Variants in TCERG1L observed in about 807,000 individuals in gnomAD.
The protein encoded by TCERG1L is transcription elongation regulator 1-like protein.
TCERG1L carries 37 observed loss-of-function variants against 56.3 expected under a neutral mutation model. That is an observed-to-expected ratio of 0.66 (90% CI 0.51 to 0.87). The LOEUF is 0.87. TCERG1L is among the 40% of genes least tolerant of loss of function. The pLI is 0.00. For missense variants in TCERG1L, 799 were observed against 774.2 expected (o/e 1.03, Z -0.38); for synonymous variants, 324 against 326.3 (o/e 0.99, Z 0.08).
intron 6 of TCERG1L, among the ~76,000 whole-genome samples, chr10:131,148,607 GAC>G (rs1311043082): frequency 2.0e-5 from 3 of 151,030 alleles, no homozygotes; most frequent in South Asian, 2.1e-4. Flanking sequence ...TGCACACGTA[GAC>G]ACACACAGAG....
chr10:131,136,582 A>G (rs972468037), intron 7 of TCERG1L, among the ~76,000 whole-genome samples: 2 of 151,816 alleles, frequency 1.3e-5, no homozygotes, highest in Admixed American at 1.3e-4. Flanking sequence ...TGCAACCTCC[A>G]CTTTCCGGGC....
chr10:131,195,881 G>A (rs1019878650), intron 4 of TCERG1L, among the ~76,000 whole-genome samples: 2 of 152,218 alleles, frequency 1.3e-5, no homozygotes, highest in Admixed American at 1.3e-4. Flanking sequence ...ACAAGGCGAG[G>A]CAAGCACAGC....
At chr10:131,285,491 A>G (rs1298586491) in intron 3 of TCERG1L, among the ~76,000 whole-genome samples, 1 of 20,144 alleles carries the variant, frequency 5.0e-5, no homozygotes, top group Non-Finnish European at 1.7e-4. Context: ...AAAGAAAGAA[A>G]GAAAGAAAGA....
At chr10:131,128,881 G>C (rs1845589982) in intron 8 of TCERG1L, among the ~76,000 whole-genome samples, 1 of 152,118 alleles carries the variant, frequency 6.6e-6, no homozygotes, top group Non-Finnish European at 1.5e-5. Context: ...AGTCCTGCCA[G>C]AGCACTAATC....
chr10:131,092,958 GAAAT>G lies in TCERG1L; in HGVS notation c.*200_*203del, dbSNP rs1564789727. ...AGGGATCGACGTATCACGGTGATTA[GAAAT>G]GCATCAAACTCTGAATGTACAAAAG... On this transcript the variant is annotated 3_prime_UTR_variant, in exon 12 of 12. Coordinates refer to ENST00000368642, the MANE Select transcript of TCERG1L (RefSeq NM_174937.4). 1.9e-6 allele frequency: 1 copy of G among 525,558 alleles called. No homozygotes were observed. The highest frequency in any genetic ancestry group is 3.3e-6 in the Non-Finnish European group (1 of 300,348). The allele number at this position is 525,558 out of a possible 1,614,324, so 32.6% of individuals were successfully genotyped here. A position where few individuals can be genotyped will look rare whatever the true frequency, so the allele number is the denominator to read the frequency against.
At chr10:131,198,780 CT>C in intron 4 of TCERG1L, among the ~76,000 whole-genome samples, 1 of 114 alleles carries the variant, frequency 8.8e-3, no homozygotes. Flanking sequence ...GACACCACCC[CT>C]GGCAGATGGG....
chr10:131,178,055 G>A (rs774335646), intron 4 of TCERG1L, among the ~76,000 whole-genome samples: 14 of 152,030 alleles, frequency 9.2e-5, no homozygotes, highest in African/African-American at 2.7e-4. Context: ...CTTTACTCCC[G>A]GGGCTTTCTC....
At chr10:131,197,950 T>C (rs1290875528) in intron 4 of TCERG1L, among the ~76,000 whole-genome samples, 1 of 152,224 alleles carries the variant, frequency 6.6e-6, no homozygotes, top group Non-Finnish European at 1.5e-5. Flanking sequence ...TTGTCAAACA[T>C]CTCTGCATAC....
At chr10:131,189,223 T>C (rs1448918514) in intron 4 of TCERG1L, among the ~76,000 whole-genome samples, 1 of 152,248 alleles carries the variant, frequency 6.6e-6, no homozygotes, top group Non-Finnish European at 1.5e-5. Context: ...AGTGCAATTT[T>C]ATGACATGCA....
intron 4 of TCERG1L, among the ~76,000 whole-genome samples, chr10:131,224,622 G>A (rs1475137561): frequency 2.0e-4 from 30 of 152,156 alleles, no homozygotes. Flanking sequence ...GGCCTGGGGA[G>A]TTACCTGAAC....
At chr10:131,262,423 G>A (rs1166998607) in intron 3 of TCERG1L, among the ~76,000 whole-genome samples, 2 of 152,176 alleles carry the variant, frequency 1.3e-5, no homozygotes, top group Non-Finnish European at 2.9e-5. Context: ...ATATCTAGAT[G>A]GCAGAATTAC....
chr10:131,221,511 T>C (rs1162884561), intron 4 of TCERG1L, among the ~76,000 whole-genome samples: 1 of 152,232 alleles, frequency 6.6e-6, no homozygotes, highest in Non-Finnish European at 1.5e-5. Flanking sequence ...GTCTTCTAAC[T>C]GTGCCATGAG....
intron 9 of TCERG1L, among the ~76,000 whole-genome samples, chr10:131,105,325 C>G (rs1206479310): frequency 6.6e-6 from 1 of 152,198 alleles, no homozygotes; most frequent in Non-Finnish European, 1.5e-5. Flanking sequence ...GTGAAGTCCC[C>G]CTCTCCATGC....
chr10:131,248,416 AG>A lies in TCERG1L; in HGVS notation c.856+11842del, dbSNP rs1388365872. On this transcript the variant is annotated intron_variant, in intron 4 of 11. Transcript: ENST00000368642. ...GCCGTATTAATTATGACCTTGAGAG[AG>A]GTTAAGTCACAAAGCACACCAGGCT... Among the ~76,000 whole-genome samples the A allele has an allele frequency of 6.6e-3, 1,008 of 152,218 alleles. 10 individuals carry two copies. The highest frequency in any genetic ancestry group is 0.023 in the African/African-American group (975 of 41,516).
chr10:131,259,731 T>C (rs1044884078), intron 4 of TCERG1L, among the ~76,000 whole-genome samples: 7 of 152,204 alleles, frequency 4.6e-5, no homozygotes, highest in Non-Finnish European at 1.0e-4. Flanking sequence ...TCAAATGCCT[T>C]TGTGGCGGCC....
At chr10:131,130,002 T>A (rs1231341376) in intron 8 of TCERG1L, among the ~76,000 whole-genome samples, 2 of 150,988 alleles carry the variant, frequency 1.3e-5, no homozygotes, top group East Asian at 3.9e-4. Context: ...GCCCCCATGA[T>A]CCAATCGCCT....
intron 4 of TCERG1L, among the ~76,000 whole-genome samples, chr10:131,230,308 C>T (rs1482888944): frequency 6.6e-6 from 1 of 152,196 alleles, no homozygotes; most frequent in African/African-American, 2.4e-5. Context: ...TTCTGAACAG[C>T]GCGTGCTGCT....
chr10:131,270,247 A>G (rs1015227747), intron 3 of TCERG1L, among the ~76,000 whole-genome samples: 1 of 152,216 alleles, frequency 6.6e-6, no homozygotes, highest in African/African-American at 2.4e-5. Context: ...CAAGCCAGGA[A>G]GGGCGCAAAG....
At chr10:131,158,138 C>T (rs192236367) in intron 6 of TCERG1L, among the ~76,000 whole-genome samples, 4 of 152,354 alleles carry the variant, frequency 2.6e-5, no homozygotes, top group East Asian at 1.9e-4. Context: ...GCCGCCCGTC[C>T]GCTGCCGGCA....
Sources: gnomAD v4.1 joint callset for allele counts (sites outside exome capture counted in the v4.1 genomes callset) on GRCh38, gnomAD v4.1.1 for gene constraint, MANE v1.5 for transcripts, NCBI Gene and HGNC (gene_info 2026-07-23, HGNC 2026-07-21) for gene names.